The following FANCB variants were observed in gnomAD, a reference collection of about 807,000 sequenced individuals.
FANCB encodes the protein FA complementation group B, also known as Fanconi anemia group B protein.
FANCB carries 5 observed loss-of-function variants against 38.9 expected under a neutral mutation model. The ratio of observed to expected loss-of-function variants is 0.13; its 90% CI spans 0.07 to 0.27. The LOEUF (loss-of-function observed/expected upper bound fraction) is 0.27. Ranked by LOEUF, FANCB falls within the 10% of genes least tolerant of loss-of-function variation. The pLI is 1.00. For synonymous variants in FANCB, 236 were observed against 215.4 expected (o/e 1.10, Z -0.84); for missense variants, 573 against 602.7 (o/e 0.95, Z 0.52).
At chrX:14,857,617 T>C (rs1475896105) in intron 5 of FANCB, among the ~76,000 whole-genome samples, 2 of 111,940 alleles carry the variant, frequency 1.8e-5, no homozygotes, top group Non-Finnish European at 3.8e-5. Context: ...GAGCTGCTTC[T>C]ATTTTGTCTC....
At chrX:14,783,973 G>A in the FANCB span, among the ~76,000 whole-genome samples, 3 of 112,522 alleles carry the variant, frequency 2.7e-5, no homozygotes, top group Admixed American at 9.4e-5. Flanking sequence ...ACTTTGGGAG[G>A]CCGAGGCAGG....
chrX:14,855,828 A>G (rs768925848), intron 5 of FANCB, among the ~76,000 whole-genome samples: 1 of 112,176 alleles, frequency 8.9e-6, no homozygotes, highest in South Asian at 3.7e-4. Flanking sequence ...CCACCAATTT[A>G]AGTTCAATAC....
At chrX:14,772,221 A>C in the FANCB span, among the ~76,000 whole-genome samples, 4 of 110,835 alleles carry the variant, frequency 3.6e-5, no homozygotes, top group African/African-American at 1.3e-4. Context: ...AGTTGACTGA[A>C]CTGCAGAGAT....
intron 1 of FANCB, among the ~76,000 whole-genome samples, chrX:14,869,565 C>G (rs1293796554): frequency 8.9e-6 from 1 of 111,830 alleles, no homozygotes; most frequent in African/African-American, 3.3e-5. Flanking sequence ...AATCTATCTT[C>G]CCTCCAATAT....
chrX:14,691,280 T>A, the FANCB span, among the ~76,000 whole-genome samples: 2,681 of 41,417 alleles, frequency 0.065, 32 homozygotes, highest in Non-Finnish European at 0.077. Context: ...ACTGTGTGTG[T>A]GTGTGTGTGT....
At chrX:14,849,983 A>G (rs2092393783) in intron 7 of FANCB, among the ~76,000 whole-genome samples, 1 of 112,431 alleles carries the variant, frequency 8.9e-6, no homozygotes, top group Admixed American at 9.4e-5. Context: ...TAAATGCAAA[A>G]TATCTTATTA....
downstream of FANCB, among the ~76,000 whole-genome samples, chrX:14,839,210 C>A (rs1405519346): frequency 1.8e-5 from 2 of 110,994 alleles, no homozygotes; most frequent in Non-Finnish European, 3.8e-5. Context: ...AGGAGAATCA[C>A]TTGAACCCAG....
the FANCB span, among the ~76,000 whole-genome samples, chrX:14,830,758 TC>T: frequency 9.0e-6 from 1 of 111,476 alleles, no homozygotes; most frequent in African/African-American, 3.3e-5. Flanking sequence ...CCTTCAAGAT[TC>T]CCCATGTGCG....
At chrX:14,848,988 G>A (rs1003048907) in intron 7 of FANCB, among the ~76,000 whole-genome samples, 1 of 111,248 alleles carries the variant, frequency 9.0e-6, no homozygotes, top group Admixed American at 9.6e-5. Context: ...AACAAAGAGA[G>A]AGCCCCGTTG....
At chrX:14,814,333 A>G in the FANCB span, among the ~76,000 whole-genome samples, 1 of 112,242 alleles carries the variant, frequency 8.9e-6, no homozygotes, top group Non-Finnish European at 1.9e-5. Context: ...ATGGGATCTA[A>G]TTAAACTAAA....
the FANCB span, among the ~76,000 whole-genome samples, chrX:14,734,864 C>T: frequency 1.8e-4 from 20 of 109,631 alleles, no homozygotes; most frequent in South Asian, 8.0e-3. Context: ...GTACACCAAT[C>T]AAACGTAGAT....
the FANCB span, among the ~76,000 whole-genome samples, chrX:14,814,446 C>T: frequency 1.8e-5 from 2 of 112,101 alleles, no homozygotes; most frequent in African/African-American, 6.5e-5. Flanking sequence ...GGCTAATATC[C>T]AGAATCTACA....
chrX:14,745,113 C>T, the FANCB span, among the ~76,000 whole-genome samples: 2 of 111,761 alleles, frequency 1.8e-5, no homozygotes, highest in Non-Finnish European at 3.8e-5. Context: ...CATCTTTCCT[C>T]TCTAGCTCCA....
intron 7 of FANCB, among the ~76,000 whole-genome samples, chrX:14,848,529 G>A (rs996187174): frequency 2.7e-5 from 3 of 111,626 alleles, no homozygotes; most frequent in African/African-American, 9.8e-5. Context: ...TGGTCTAACC[G>A]GTTGTCTAGC....
At chrX:14,782,390 T>A in the FANCB span, among the ~76,000 whole-genome samples, 1 of 112,000 alleles carries the variant, frequency 8.9e-6, no homozygotes, top group Non-Finnish European at 1.9e-5. Flanking sequence ...TTAGGTATCC[T>A]CTTAGGACAT....
At chrX:14,840,075 G>A (rs931633354), downstream of FANCB, among the ~76,000 whole-genome samples, 4 of 111,566 alleles carry the variant, frequency 3.6e-5, no homozygotes, top group South Asian at 3.7e-4. Context: ...GGCTGGTCTC[G>A]AACTCCTGAC....
chrX:14,725,986 T>C, the FANCB span, among the ~76,000 whole-genome samples: 2 of 112,271 alleles, frequency 1.8e-5, no homozygotes, highest in Non-Finnish European at 3.8e-5. Context: ...GAAGTGCTTA[T>C]TGCTCAGTTA....
chrX:14,734,399 C>A, the FANCB span, among the ~76,000 whole-genome samples: 2 of 112,096 alleles, frequency 1.8e-5, no homozygotes, highest in Non-Finnish European at 3.8e-5. Context: ...CCTTCAGGAG[C>A]TCTGGTAAGG....
chrX:14,795,090 G>A, the FANCB span, among the ~76,000 whole-genome samples: 2 of 111,850 alleles, frequency 1.8e-5, no homozygotes, highest in Non-Finnish European at 3.8e-5. Flanking sequence ...TCAACACAAT[G>A]CTTTAAAGGC....
Sources: allele counts gnomAD v4.1 joint callset (sites outside exome capture counted in the v4.1 genomes callset), GRCh38; gene constraint gnomAD v4.1.1; transcripts MANE v1.5; gene names NCBI Gene and HGNC (gene_info 2026-07-23, HGNC 2026-07-21).